The following RBFOX1 variants were observed in gnomAD, a reference collection of about 807,000 sequenced individuals.
RBFOX1 encodes RNA binding protein fox-1 homolog 1.
RBFOX1 carries 8 observed loss-of-function variants against 57.7 expected under a neutral mutation model. That is an observed-to-expected ratio of 0.14 (90% confidence interval 0.08 to 0.25). RBFOX1 has a LOEUF of 0.25. Ranked by LOEUF, RBFOX1 falls within the 10% of genes least tolerant of loss-of-function variation. The pLI is 1.00. For synonymous variants in RBFOX1, 326 were observed against 222.4 expected (o/e 1.47, Z -4.15); for missense variants, 611 against 548.5 (o/e 1.11, Z -1.14).
intron 2 of RBFOX1, among the ~76,000 whole-genome samples, chr16:6,503,931 A>G (rs1197967201): frequency 2.0e-5 from 3 of 152,208 alleles, no homozygotes; most frequent in Admixed American, 2.0e-4. Context: ...CTTAAGCCGG[A>G]CCTTCATCCC....
At chr16:5,897,188 A>G (rs1422467764) in intron 4 of RBFOX1, among the ~76,000 whole-genome samples, 1 of 151,720 alleles carries the variant, frequency 6.6e-6, no homozygotes, top group African/African-American at 2.4e-5. Flanking sequence ...GGCGCCCGCC[A>G]CCGCGCCCGG....
At chr16:6,193,368 A>ATATATATATATACATTATATG (rs1269891951) in intron 1 of RBFOX1, among the ~76,000 whole-genome samples, 1 of 114,302 alleles carries the variant, frequency 8.7e-6, no homozygotes, top group African/African-American at 3.3e-5. Flanking sequence ...ATATATATAT[A>ATATATATATATACATTATATG]TATATATACA....
chr16:7,521,362 T>G (rs1190635731), intron 5 of RBFOX1, among the ~76,000 whole-genome samples: 1 of 152,166 alleles, frequency 6.6e-6, no homozygotes, highest in African/African-American at 2.4e-5. Flanking sequence ...TTCCACGTTA[T>G]AAGCAATGGG....
chr16:6,546,778 T>C (rs921923948), intron 2 of RBFOX1, among the ~76,000 whole-genome samples: 1 of 152,222 alleles, frequency 6.6e-6, no homozygotes, highest in East Asian at 1.9e-4. Flanking sequence ...AGCGGATACA[T>C]ATCCTATTCC....
At chr16:5,679,528 G>A (rs889276782) in intron 3 of RBFOX1, among the ~76,000 whole-genome samples, 2 of 151,880 alleles carry the variant, frequency 1.3e-5, no homozygotes, top group Non-Finnish European at 2.9e-5. Context: ...GACAGGTCCC[G>A]GTGTGTGGCG....
chr16:5,878,495 C>G (rs1164369437), intron 4 of RBFOX1, among the ~76,000 whole-genome samples: 2 of 152,140 alleles, frequency 1.3e-5, no homozygotes, highest in Admixed American at 6.5e-5. Context: ...GCCTTCTGAA[C>G]CAGCGGTCCA....
At chr16:5,642,423 C>T (rs562850063) in intron 3 of RBFOX1, among the ~76,000 whole-genome samples, 5 of 152,270 alleles carry the variant, frequency 3.3e-5, no homozygotes, top group East Asian at 1.9e-4. Flanking sequence ...CATTGTTGAA[C>T]ATTAATTAGG....
chr16:6,324,800 T>C (rs1423885927), intron 2 of RBFOX1, among the ~76,000 whole-genome samples: 1 of 152,086 alleles, frequency 6.6e-6, no homozygotes, highest in Admixed American at 6.5e-5. Flanking sequence ...ATATAGAAAC[T>C]AGGCCACAGA....
intron 3 of RBFOX1, among the ~76,000 whole-genome samples, chr16:5,624,957 C>G (rs2048305840): frequency 6.6e-6 from 1 of 152,102 alleles, no homozygotes; most frequent in African/African-American, 2.4e-5. Flanking sequence ...GGGACCCCAC[C>G]CGGATTTGGG....
At chr16:7,119,649 A>C (rs560758874) in intron 4 of RBFOX1, among the ~76,000 whole-genome samples, 130 of 152,254 alleles carry the variant, frequency 8.5e-4, no homozygotes, top group African/African-American at 2.8e-3. Context: ...CAAGTCACCA[A>C]AAAGACAAAA....
chr16:6,396,028 T>G (rs993058278), intron 2 of RBFOX1, among the ~76,000 whole-genome samples: 3 of 124,578 alleles, frequency 2.4e-5, no homozygotes, highest in Non-Finnish European at 4.6e-5. Flanking sequence ...ATCGCACCAA[T>G]GCACTGCAGC....
intron 1 of RBFOX1, among the ~76,000 whole-genome samples, chr16:6,286,174 C>T (rs1409096533): frequency 7.9e-5 from 12 of 152,080 alleles, no homozygotes; most frequent in African/African-American, 1.7e-4. Flanking sequence ...TGGGAGAGCT[C>T]GACTGACATG....
intron 3 of RBFOX1, among the ~76,000 whole-genome samples, chr16:6,956,761 C>T (rs58554423): frequency 3.9e-5 from 6 of 152,148 alleles, no homozygotes; most frequent in African/African-American, 1.4e-4. Context: ...TTTGACCAGG[C>T]ACAGATGGGT....
At chr16:7,424,491 C>G (rs1201234959) in intron 4 of RBFOX1, among the ~76,000 whole-genome samples, 1 of 152,136 alleles carries the variant, frequency 6.6e-6, no homozygotes, top group Non-Finnish European at 1.5e-5. Flanking sequence ...AACTCCTGGC[C>G]TCATGTGATC....
intron 1 of RBFOX1, among the ~76,000 whole-genome samples, chr16:6,315,432 G>A (rs2080961373): frequency 1.3e-5 from 2 of 151,138 alleles, no homozygotes; most frequent in South Asian, 2.1e-4. Context: ...GGGATGGGTG[G>A]GTAGATGGAT....
chr16:7,437,641 G>C (rs1414175881), intron 4 of RBFOX1, among the ~76,000 whole-genome samples: 1 of 152,118 alleles, frequency 6.6e-6, no homozygotes, highest in Non-Finnish European at 1.5e-5. Flanking sequence ...ATTAGAATAA[G>C]TCAAATCAGT....
intron 2 of RBFOX1, among the ~76,000 whole-genome samples, chr16:5,508,111 G>A (rs944926376): frequency 2.0e-5 from 3 of 152,230 alleles, no homozygotes; most frequent in Admixed American, 2.0e-4. Flanking sequence ...TGGAACAATA[G>A]TATGCAAACT....
chr16:6,779,376 C>T (rs1459103060), intron 3 of RBFOX1, among the ~76,000 whole-genome samples: 1 of 151,854 alleles, frequency 6.6e-6, no homozygotes, highest in Non-Finnish European at 1.5e-5. Context: ...AATAATATTC[C>T]ATTGTATGTA....
intron 2 of RBFOX1, among the ~76,000 whole-genome samples, chr16:5,537,325 G>A (rs1229558308): frequency 6.6e-6 from 1 of 152,118 alleles, no homozygotes; most frequent in Non-Finnish European, 1.5e-5. Context: ...GTTTGTTACA[G>A]CAGCACATCA....
Sources: gnomAD v4.1 joint callset for allele counts (sites outside exome capture counted in the v4.1 genomes callset) on GRCh38, gnomAD v4.1.1 for gene constraint, MANE v1.5 for transcripts, NCBI Gene and HGNC (gene_info 2026-07-23, HGNC 2026-07-21) for gene names.